SPPL2B: variants seen among roughly 807,000 people sequenced by gnomAD.
SPPL2B encodes signal peptide peptidase-like 2B.
Under a neutral mutation model 59.7 loss-of-function variants are expected in SPPL2B, and 39 were observed. That is an observed-to-expected ratio of 0.65 (90% CI 0.51 to 0.85). The LOEUF is 0.85. Ranked by LOEUF, SPPL2B falls within the 40% of genes least tolerant of loss-of-function variation. The pLI is 0.00. For synonymous variants in SPPL2B, 419 were observed against 370.8 expected (o/e 1.13, Z -1.49); for missense variants, 865 against 849.0 (o/e 1.02, Z -0.23).
At chr19:2,341,234 C>T (rs532232396) in intron 8 of SPPL2B, 19 of 682,680 alleles carry the variant, frequency 2.8e-5, no homozygotes, top group South Asian at 9.0e-5. Flanking sequence ...GACTGGAATC[C>T]GGGAGGAGAG....
rs759398831 is a variant in SPPL2B at position 2,353,203 on chromosome 19, G to A, written c.1773G>A (p.Ser591=). Residue 591 remains serine (S), a synonymous_variant, in exon 15 of 15, where the codon TCG becomes TCA. Coordinates refer to ENST00000613503, the MANE Select transcript of SPPL2B (RefSeq NM_152988.3). ...CCCCGGTAACCCAGCCTGGCGCCTC[G>A]GCCTAGGGGAGGGGTGAGACGCTCG... ...QPSPVTQPGA[S]A 10 of 1,597,406 alleles carry A rather than the reference G, an allele frequency of 6.3e-6. No homozygotes were observed. The highest frequency in any genetic ancestry group is 3.6e-4 in the Middle Eastern group (2 of 5,568).
intron 1 of SPPL2B, among the ~76,000 whole-genome samples, chr19:2,329,980 C>A (rs984411693): frequency 6.6e-6 from 1 of 152,114 alleles, no homozygotes; most frequent in Non-Finnish European, 1.5e-5. Context: ...GGACTCCCCC[C>A]ATTCTGCAGC....
At chr19:2,349,787 CA>C (rs1969783089) in intron 13 of SPPL2B, among the ~76,000 whole-genome samples, 3 of 112,056 alleles carry the variant, frequency 2.7e-5, no homozygotes, top group Admixed American at 9.7e-5. Flanking sequence ...GTTCTCTCTC[CA>C]CACACACTCA....
In SPPL2B at chr19:2,345,271, G is replaced by C. The variant is rs1190923412; in HGVS notation, c.1295G>C (p.Cys432Ser). 1 of 1,612,666 alleles carries C rather than the reference G, an allele frequency of 6.2e-7. No individual in the cohort carries two copies. Among genetic ancestry groups the C allele is most frequent in the East Asian group, 2.2e-5 (1 of 44,794 alleles). ...CCCCCAGGGCTGCTGGTGGCCTACTGCCACAGGTTTGACATCCAGGTACAG... is the reference window on the plus strand; with the variant it reads ...CCCCCAGGGCTGCTGGTGGCCTACTCCCACAGGTTTGACATCCAGGTACAG... ...ILVPGLLVAYCHRFDIQVQSS... is the reference protein window; with the variant it reads ...ILVPGLLVAYSHRFDIQVQSS... Residue 432 changes from cysteine (C) to serine (S), a missense_variant, in exon 13 of 15, where the codon TGC becomes TCC. Coordinates refer to ENST00000613503, the MANE Select transcript of SPPL2B (RefSeq NM_152988.3).
At position 2,350,082 on chromosome 19, in the gene SPPL2B, G is replaced by T. The variant is rs571252587; in HGVS notation, c.1355-1352G>T. Among the ~76,000 whole-genome samples, 10 of 129,182 alleles carry T rather than the reference G, an allele frequency of 7.7e-5. No individual in the cohort carries two copies. The East Asian group carries it at 1.7e-3, about 22-fold the overall frequency. 84.7% of individuals were successfully genotyped at this position (129,182 alleles called of 152,430 possible). On this transcript the variant is annotated intron_variant, in intron 13 of 14. Transcript: ENST00000613503. ...TCCACACACTCACGCGCTCTCATTC[G>T]CTTGACTCTGTTCTCTCTCTCCACA...
chr19:2,349,802 GCT>G (rs1969785982), intron 13 of SPPL2B, among the ~76,000 whole-genome samples: 3 of 140,790 alleles, frequency 2.1e-5, no homozygotes, highest in African/African-American at 5.5e-5. Flanking sequence ...ACACTCACGC[GCT>G]CTCATTCGCT....
chr19:2,345,266 C>G lies in SPPL2B; in HGVS notation c.1290C>G (p.Ala430=), dbSNP rs767067368. 8.7e-6 allele frequency: 14 copies of G among 1,612,854 alleles called. No homozygotes were observed. The Middle Eastern group carries it at 6.6e-4, about 76-fold the overall frequency. The change falls in exon 13 of 15, where the codon GCC becomes GCG. Residue 430 remains alanine, a synonymous_variant. Transcript: ENST00000613503. ...GDILVPGLLV[A]YCHRFDIQVQ... ...TGCCTCCCCCAGGGCTGCTGGTGGC[C>G]TACTGCCACAGGTTTGACATCCAGG...
In SPPL2B at chr19:2,334,660, A is replaced by G. The variant is rs1212530367; in HGVS notation, c.125A>G (p.Lys42Arg). Residue 42 changes from lysine to arginine, a missense_variant, in exon 2 of 15, where the codon AAA (lysine) becomes AGA (arginine). Lys to Arg is a conservative substitution (Grantham distance 26). Coordinates refer to ENST00000613503, the MANE Select transcript of SPPL2B (RefSeq NM_152988.3). Reference protein sequence around the residue: ...VVSQAGGPEGKDYCILYNPQW... With the variant: ...VVSQAGGPEGRDYCILYNPQW... ...TCCCAGGCCGGGGGCCCCGAAGGCAAAGACTACTGCATCCTCTACAACCCG... is the reference window on the plus strand; with the variant it reads ...TCCCAGGCCGGGGGCCCCGAAGGCAGAGACTACTGCATCCTCTACAACCCG... The G allele has an allele frequency of 1.2e-6, 2 of 1,612,980 alleles. No individual in the cohort carries two copies. Among genetic ancestry groups the G allele is most frequent in the Admixed American group, 3.3e-5 (2 of 59,924 alleles).
At chr19:2,341,207 G>A in intron 8 of SPPL2B, 193 bp downstream of exon 8, 3 of 692,928 alleles carry the variant, frequency 4.3e-6, no homozygotes, top group Non-Finnish European at 7.9e-6. Flanking sequence ...GGTTTGTCCG[G>A]GTGTCATGGG....
Position 2,353,044 on chromosome 19 carries a change from A to C in SPPL2B, c.1614A>C (p.Glu538Asp), listed in dbSNP as rs1568458451. The change falls in exon 15 of 15, where the codon GAA (glutamate) becomes GAC (aspartate). Residue 538 changes from glutamate to aspartate, a missense_variant. Transcript: ENST00000613503. Reference sequence around the variant, plus strand: ...CACTCTCCCCGCAGCCGCCCAGCGAAGAACCAGCCACATCCCCCTGGCCTG... The same window carrying C: ...CACTCTCCCCGCAGCCGCCCAGCGACGAACCAGCCACATCCCCCTGGCCTG... Reference protein sequence around the residue: ...ATPLSPQPPSEEPATSPWPAE... With the variant: ...ATPLSPQPPSDEPATSPWPAE... 1.2e-6 allele frequency: 2 copies of C among 1,612,012 alleles called. No individual in the cohort carries two copies. The highest frequency in any genetic ancestry group is 1.7e-5 in the Admixed American group (1 of 59,964).
intron 1 of SPPL2B, among the ~76,000 whole-genome samples, chr19:2,333,150 G>A (rs1311426556): frequency 1.0e-5 from 1 of 96,130 alleles, no homozygotes; most frequent in East Asian, 2.8e-4. Flanking sequence ...GCTGGGAGGG[G>A]GAGCAGGAGG....
In SPPL2B at chr19:2,344,001, G is replaced by A. The variant is rs1381326685; in HGVS notation, c.1075G>A (p.Asp359Asn). The part of the protein sequence containing the change: ...TLLLLVLFLY[D>N]IFFVFITPFL... ...GCTGCTGCTGGTGCTGTTCCTCTACGACATCTTCTTCGTGTTCATCACGCC... is the reference window on the plus strand; with the variant it reads ...GCTGCTGCTGGTGCTGTTCCTCTACAACATCTTCTTCGTGTTCATCACGCC... Residue 359 changes from aspartate (D) to asparagine (N), a missense_variant, in exon 10 of 15, where the codon GAC (aspartate) becomes AAC (asparagine). Transcript: ENST00000613503. The A allele has an allele frequency of 1.9e-6, 3 of 1,548,248 alleles. No homozygotes were observed. Among genetic ancestry groups the A allele is most frequent in the Non-Finnish European group, 2.6e-6 (3 of 1,146,700 alleles).
intron 10 of SPPL2B, 56 bp downstream of exon 10, chr19:2,344,095 C>T: frequency 9.5e-6 from 11 of 1,153,562 alleles, no homozygotes; most frequent in Non-Finnish European, 1.3e-5. Context: ...CGCCCCCTCG[C>T]AACCCCCGCC....
chr19:2,340,264 T>C, intron 7 of SPPL2B, 92 bp downstream of exon 7: 1 of 1,015,614 alleles, frequency 9.8e-7, no homozygotes, highest in Non-Finnish European at 1.4e-6. Flanking sequence ...TGGTGCAATA[T>C]TGCTCAGAGT....
intron 12 of SPPL2B, among the ~76,000 whole-genome samples, chr19:2,345,051 A>G (rs1969288302): frequency 6.6e-6 from 1 of 151,952 alleles, no homozygotes; most frequent in African/African-American, 2.4e-5. Flanking sequence ...CTTTGTTCTC[A>G]CTGTGGTCTC....
intron 1 of SPPL2B, among the ~76,000 whole-genome samples, chr19:2,333,335 AGGTGGGGATGGCAGGTGCGGGC>A (rs1968390086): frequency 4.1e-5 from 3 of 72,518 alleles, no homozygotes; most frequent in Non-Finnish European, 8.7e-5. Flanking sequence ...AGCAGGAGGA[AGGTGGGGATGGCAGGTGCGGGC>A]GGCTGGACTG....
intron 3 of SPPL2B, chr19:2,338,141 G>C (rs1003797014): frequency 3.2e-5 from 5 of 158,102 alleles, no homozygotes; most frequent in African/African-American, 9.6e-5. Flanking sequence ...ACAGCACAGG[G>C]ACATGCCGAC....
At chr19:2,345,592 G>C (rs1342230849) in intron 13 of SPPL2B, among the ~76,000 whole-genome samples, 1 of 150,070 alleles carries the variant, frequency 6.7e-6, no homozygotes, top group Non-Finnish European at 1.5e-5. Context: ...ATTCTTCCTG[G>C]GCCTGTGCCT....
Position 2,353,464 on chromosome 19 carries a change from C to CTG in SPPL2B, c.*255_*256insTG. 2.3e-6 allele frequency: 1 copy of CTG among 426,224 alleles called. No homozygotes were observed. Among genetic ancestry groups the CTG allele is most frequent in the Non-Finnish European group, 4.2e-6 (1 of 238,350 alleles). 26.4% of individuals were successfully genotyped at this position (426,224 alleles called of 1,614,324 possible). On this transcript the variant is annotated 3_prime_UTR_variant, in exon 15 of 15. Coordinates refer to ENST00000613503, the MANE Select transcript of SPPL2B (RefSeq NM_152988.3). The stretch of plus-strand genomic sequence containing the variant: ...CAAGCTCTCTGCGGGTCCATCCTCC[C>CTG]CACCGGGGTCCGTCCTCGCAGGCCC...
Sources: gnomAD v4.1 joint callset for allele counts (sites outside exome capture counted in the v4.1 genomes callset) on GRCh38, gnomAD v4.1.1 for gene constraint, MANE v1.5 for transcripts, NCBI Gene and HGNC (gene_info 2026-07-23, HGNC 2026-07-21) for gene names.